SPATA31H1: variants seen among roughly 807,000 people sequenced by gnomAD.
The protein encoded by SPATA31H1 is SPATA31 subfamily H member 1.
At chr2:27,574,616 A>G in the SPATA31H1 span, 1 of 398,508 alleles carries the variant, frequency 2.5e-6, no homozygotes, top group Non-Finnish European at 4.4e-6. Flanking sequence ...TCAATTCTGG[A>G]CAACAGACAC....
chr2:27,553,450 G>A, the SPATA31H1 span, among the ~76,000 whole-genome samples: 1 of 151,968 alleles, frequency 6.6e-6, no homozygotes. Context: ...AGGGTCACTT[G>A]GTCACACCTT....
At chr2:27,541,797 A>C in the SPATA31H1 span, among the ~76,000 whole-genome samples, 33 of 151,942 alleles carry the variant, frequency 2.2e-4, no homozygotes, top group Non-Finnish European at 1.2e-4. Context: ...TTTATTTTTG[A>C]GACAGGTTCT....
the SPATA31H1 span, chr2:27,577,685 G>A: frequency 6.2e-7 from 1 of 1,614,052 alleles, no homozygotes; most frequent in Non-Finnish European, 8.5e-7. This position sits in a 1 kb window ranked among gnomAD's most constrained non-coding sequence, Gnocchi z 4.5. Flanking sequence ...CAGGAGTGCA[G>A]GTAGAGAAAA....
chr2:27,544,871 C>T, the SPATA31H1 span, among the ~76,000 whole-genome samples: 3 of 151,888 alleles, frequency 2.0e-5, no homozygotes, highest in South Asian at 6.2e-4. Flanking sequence ...TTTAAAGTGA[C>T]ATTATACCAT....
At chr2:27,543,381 A>G in the SPATA31H1 span, among the ~76,000 whole-genome samples, 1 of 152,068 alleles carries the variant, frequency 6.6e-6, no homozygotes, top group African/African-American at 2.4e-5. Flanking sequence ...TAAGAGTAAA[A>G]GACAAATGTC....
At chr2:27,567,327 G>A in the SPATA31H1 span, 1 of 549,424 alleles carries the variant, frequency 1.8e-6, no homozygotes, top group Non-Finnish European at 3.2e-6. Context: ...GCAACAAACA[G>A]CACCTTTACC....
At chr2:27,579,885 G>A in the SPATA31H1 span, 20 of 1,614,002 alleles carry the variant, frequency 1.2e-5, no homozygotes, top group Non-Finnish European at 1.4e-5. Context: ...AATACCCCCC[G>A]ATGTGCCTCC....
the SPATA31H1 span, among the ~76,000 whole-genome samples, chr2:27,538,924 C>T: frequency 6.6e-6 from 1 of 151,782 alleles, no homozygotes; most frequent in African/African-American, 2.4e-5. Context: ...ACTATTGATA[C>T]AGCAGTAAGT....
At chr2:27,566,237 A>G in the SPATA31H1 span, 2 of 711,334 alleles carry the variant, frequency 2.8e-6, no homozygotes, top group Non-Finnish European at 5.2e-6. Flanking sequence ...TGTTTTCCTT[A>G]CTGGTACTTT....
chr2:27,581,897 C>T, the SPATA31H1 span: 1 of 1,611,778 alleles, frequency 6.2e-7, no homozygotes, highest in Non-Finnish European at 8.5e-7. Flanking sequence ...GAAGACATCG[C>T]AGTCCCTCTG....
At chr2:27,559,110 CAG>C in the SPATA31H1 span, among the ~76,000 whole-genome samples, 1 of 151,972 alleles carries the variant, frequency 6.6e-6, no homozygotes, top group Non-Finnish European at 1.5e-5. Flanking sequence ...TATTTAATAC[CAG>C]AGATTTTATA....
chr2:27,556,755 G>A, the SPATA31H1 span, among the ~76,000 whole-genome samples: 12 of 133,074 alleles, frequency 9.0e-5, no homozygotes, highest in African/African-American at 3.5e-4. Context: ...TTCTCGCAGA[G>A]GGGGATTTGG....
the SPATA31H1 span, chr2:27,568,965 T>A: frequency 2.5e-6 from 1 of 398,768 alleles, no homozygotes; most frequent in Non-Finnish European, 4.4e-6. Context: ...CGGACCAGGA[T>A]ATCAAGGAAA....
chr2:27,578,245 C>G, the SPATA31H1 span: 2 of 1,614,146 alleles, frequency 1.2e-6, no homozygotes, highest in Non-Finnish European at 1.7e-6. Context: ...CACACAGGGC[C>G]ATGTTTGCAA....
the SPATA31H1 span, among the ~76,000 whole-genome samples, chr2:27,558,911 G>A: frequency 1.5e-5 from 1 of 65,410 alleles, no homozygotes; most frequent in Non-Finnish European, 3.0e-5. Context: ...GAGAGGGAGA[G>A]GGAGAGGGAG....
the SPATA31H1 span, among the ~76,000 whole-genome samples, chr2:27,544,906 C>T: frequency 6.6e-6 from 1 of 151,808 alleles, no homozygotes; most frequent in Non-Finnish European, 1.5e-5. Flanking sequence ...TTTGGGGACC[C>T]AGCGTATATT....
At chr2:27,576,352 G>A in the SPATA31H1 span, 1 of 501,502 alleles carries the variant, frequency 2.0e-6, no homozygotes, top group African/African-American at 1.9e-5. Context: ...CAGCTGCAAG[G>A]TATGAATTCT....
At chr2:27,574,698 G>A in the SPATA31H1 span, 1 of 398,354 alleles carries the variant, frequency 2.5e-6, no homozygotes, top group Admixed American at 4.4e-5. Context: ...ATTCCACCAT[G>A]GTCTAAAGTT....
the SPATA31H1 span, among the ~76,000 whole-genome samples, chr2:27,555,189 C>G: frequency 3.3e-5 from 5 of 151,836 alleles, no homozygotes; most frequent in Admixed American, 1.3e-4. Flanking sequence ...TGGTATATTA[C>G]AGTGATTTAT....
Sources: allele counts gnomAD v4.1 joint callset (sites outside exome capture counted in the v4.1 genomes callset), GRCh38; gene constraint gnomAD v4.1.1; non-coding constraint Gnocchi (gnomAD v3.1); transcripts MANE v1.5; gene names NCBI Gene and HGNC (gene_info 2026-07-23, HGNC 2026-07-21).